The following MAPK4 variants were observed in gnomAD, a reference collection of about 807,000 sequenced individuals.
MAPK4 encodes Erk3-related.
In MAPK4, 22 loss-of-function variants were observed where a neutral mutation model predicts 47.7. The observed-to-expected ratio is 0.46, with a 90% CI of 0.33 to 0.66. MAPK4 has a LOEUF of 0.66. MAPK4 is among the 30% of genes least tolerant of loss of function. The probability of loss-of-function intolerance (pLI) is 0.02; values close to 1 mark genes in which losing one functional copy is unlikely to be tolerated. For missense variants in MAPK4, 736 were observed against 831.7 expected, an observed-to-expected ratio of 0.88 and a Z score of 1.42; for synonymous variants, 390 against 365.7, an observed-to-expected ratio of 1.07 and a Z score of -0.76.
intron 1 of MAPK4, among the ~76,000 whole-genome samples, chr18:50,563,172 A>C (rs1243630813): frequency 6.6e-6 from 1 of 152,222 alleles, no homozygotes; most frequent in African/African-American, 2.4e-5. Flanking sequence ...TATGGTAAGT[A>C]TTAGATGAAT....
At chr18:50,623,250 A>G (rs1195570174) in intron 1 of MAPK4, among the ~76,000 whole-genome samples, 1 of 152,240 alleles carries the variant, frequency 6.6e-6, no homozygotes, top group African/African-American at 2.4e-5. Flanking sequence ...ATTCAGAACT[A>G]GAACCTGGTC....
rs146259435 is a variant in MAPK4 at position 50,724,675 on chromosome 18, G to A, written c.854-1287G>A. On this transcript the variant is annotated intron_variant, in intron 4 of 5. Transcript: ENST00000400384. ...GTCTAGGGTTACACTGCAGCACTGC[G>A]TCCTCCTGGGAGGCCAGTGACCTTC... is the stretch of plus-strand genomic sequence containing the variant. Among the ~76,000 whole-genome samples, 350 of 152,348 alleles carry A rather than the reference G, an allele frequency of 2.3e-3. 3 individuals carry two copies. Among genetic ancestry groups the A allele is most frequent in the Middle Eastern group, 0.01 (3 of 294 alleles).
chr18:50,636,804 G>A (rs2042892989), intron 1 of MAPK4, among the ~76,000 whole-genome samples: 2 of 152,142 alleles, frequency 1.3e-5, no homozygotes, highest in African/African-American at 2.4e-5. Flanking sequence ...CACTTTGGAC[G>A]CTGCATCATA....
At chr18:50,596,076 T>C (rs1312363545) in intron 1 of MAPK4, among the ~76,000 whole-genome samples, 1 of 152,210 alleles carries the variant, frequency 6.6e-6, no homozygotes, top group Non-Finnish European at 1.5e-5. Flanking sequence ...TCCCATTAAA[T>C]AGTACTCAGC....
chr18:50,723,303 G>A (rs1488224880), intron 4 of MAPK4, among the ~76,000 whole-genome samples: 4 of 152,128 alleles, frequency 2.6e-5, no homozygotes, highest in Non-Finnish European at 5.9e-5. Context: ...GGTTTTTCTG[G>A]GTCAGGCCTG....
In MAPK4 at chr18:50,721,928, G is replaced by A; in HGVS notation, c.692-10G>A. 1 of 1,613,786 alleles carries A rather than the reference G, an allele frequency of 6.2e-7. No homozygotes were observed. Among genetic ancestry groups the A allele is most frequent in the Non-Finnish European group, 8.5e-7 (1 of 1,179,932 alleles). Reference sequence around the variant, plus strand: ...ACAGCACACTTAACCATCTGGCATTGCCTCCCCAGGGGCCCATGAGCTGGA... The same window carrying A: ...ACAGCACACTTAACCATCTGGCATTACCTCCCCAGGGGCCCATGAGCTGGA... On this transcript the variant is annotated splice_polypyrimidine_tract_variant and intron_variant, in intron 3 of 5. Coordinates refer to ENST00000400384, the MANE Select transcript of MAPK4 (RefSeq NM_002747.4).
intron 2 of MAPK4, among the ~76,000 whole-genome samples, chr18:50,708,043 A>T (rs895572380): frequency 6.6e-6 from 1 of 152,158 alleles, no homozygotes; most frequent in African/African-American, 2.4e-5. Context: ...GTGCCAGATG[A>T]TTTCCCAGTG....
At position 50,729,547 on chromosome 18, in the gene MAPK4, C is replaced by T. The variant is rs1911420856; in HGVS notation, c.1457C>T (p.Pro486Leu). Residue 486 changes from proline (P) to leucine (L), a missense_variant, in exon 6 of 6, where the codon CCG becomes CTG. This residue lies in a region of MAPK4 where 377 missense variants were observed against 378.6 expected (regional missense o/e 1.00). Transcript: ENST00000400384. ...LADTGAREDEPASLFLEIAQW... is the reference protein window; with the variant it reads ...LADTGAREDELASLFLEIAQW... ...GACACGGGGGCGCGCGAGGACGAGC[C>T]GGCCAGCCTCTTCCTGGAGATCGCG... 2.1e-6 allele frequency: 3 copies of T among 1,426,822 alleles called. No homozygotes were observed. The highest frequency in any genetic ancestry group is 1.5e-5 in the African/African-American group (1 of 67,828). 88.4% of individuals were successfully genotyped at this position (1,426,822 alleles called of 1,614,324 possible).
At chr18:50,668,691 C>T (rs1200510708) in intron 2 of MAPK4, among the ~76,000 whole-genome samples, 2 of 152,184 alleles carry the variant, frequency 1.3e-5, no homozygotes, top group Non-Finnish European at 2.9e-5. Flanking sequence ...AACTGCATGA[C>T]CTTGGGCAAG....
At chr18:50,559,937 G>GGGAGACTGCCGCCCCCGGGCGCCCA (rs1460550583), upstream of MAPK4, 2 of 150,904 alleles carry the variant, frequency 1.3e-5, no homozygotes, top group Non-Finnish European at 3.0e-5. Flanking sequence ...CAGGGCGCGC[G>GGGAGACTGCCGCCCCCGGGCGCCCA]GGAGACTGCC....
intron 1 of MAPK4, among the ~76,000 whole-genome samples, chr18:50,591,466 A>G (rs1223789722): frequency 6.6e-6 from 1 of 151,474 alleles, no homozygotes; most frequent in Non-Finnish European, 1.5e-5. Flanking sequence ...ACTGATGAAG[A>G]ATTAGCATGC....
intron 2 of MAPK4, among the ~76,000 whole-genome samples, chr18:50,699,928 C>CA (rs1909695520): frequency 6.6e-6 from 1 of 152,192 alleles, no homozygotes; most frequent in African/African-American, 2.4e-5. Context: ...GTTCTCAGGA[C>CA]ATGTCACCTT....
intron 1 of MAPK4, among the ~76,000 whole-genome samples, chr18:50,564,804 C>T (rs1411290432): frequency 6.6e-6 from 1 of 152,196 alleles, no homozygotes; most frequent in African/African-American, 2.4e-5. Context: ...ATCATCCCCG[C>T]CTGCTGCTTG....
intron 1 of MAPK4, among the ~76,000 whole-genome samples, chr18:50,582,498 G>T (rs1364586404): frequency 6.6e-6 from 1 of 152,242 alleles, no homozygotes; most frequent in Non-Finnish European, 1.5e-5. Flanking sequence ...GGGTAGACTA[G>T]GCCAGTGGTT....
intron 2 of MAPK4, among the ~76,000 whole-genome samples, chr18:50,707,569 C>CAAAA (rs11419022): frequency 8.3e-5 from 6 of 72,492 alleles, no homozygotes; most frequent in Non-Finnish European, 1.0e-4. Context: ...GCCTCTGTCT[C>CAAAA]AAAAAAAAAA....
rs191480087 is a variant in MAPK4, at chr18:50,687,650, C to T, written c.546+23146C>T. Among the ~76,000 whole-genome samples the T allele has an allele frequency of 3.3e-5, 5 of 152,286 alleles. No individual in the cohort carries two copies. In the East Asian group the frequency reaches 7.7e-4, roughly 24 times the overall value. On this transcript the variant is annotated intron_variant, in intron 2 of 5. Transcript: ENST00000400384. ...CTTCCATTCCAGCTGAATCAGCACCCGGGTCTGAAGTGCCCACTCCCAGCG... is the reference window on the plus strand; with the variant it reads ...CTTCCATTCCAGCTGAATCAGCACCTGGGTCTGAAGTGCCCACTCCCAGCG...
intron 1 of MAPK4, among the ~76,000 whole-genome samples, chr18:50,613,010 T>A (rs1269165476): frequency 6.6e-6 from 1 of 152,132 alleles, no homozygotes; most frequent in Admixed American, 6.6e-5. Context: ...GTGAAGCAAG[T>A]GAGAACTTTT....
At chr18:50,629,787 C>T (rs2144149598) in intron 1 of MAPK4, 1 of 152,246 alleles carries the variant, frequency 6.6e-6, no homozygotes, top group African/African-American at 2.4e-5. Flanking sequence ...CGATGGAAAT[C>T]AGTTAACATT....
chr18:50,646,661 A>AC (rs1165080340), intron 1 of MAPK4, among the ~76,000 whole-genome samples: 1 of 150,916 alleles, frequency 6.6e-6, no homozygotes, highest in Non-Finnish European at 1.5e-5. Flanking sequence ...GATAATGATG[A>AC]CCCCCCTTGC....
Sources: allele counts gnomAD v4.1 joint callset (sites outside exome capture counted in the v4.1 genomes callset), GRCh38; gene constraint gnomAD v4.1.1; regional missense constraint gnomAD v4.1.1; transcripts MANE v1.5; gene names NCBI Gene and HGNC (gene_info 2026-07-23, HGNC 2026-07-21).